The following BBS9 variants were observed in gnomAD, a reference collection of about 807,000 sequenced individuals.
The protein encoded by BBS9 is Bardet-Biedl syndrome 9.
Under a neutral mutation model 117.7 loss-of-function variants are expected in BBS9, and 89 were observed. The observed-to-expected ratio is 0.76, with a 90% CI of 0.64 to 0.90. The LOEUF (loss-of-function observed/expected upper bound fraction) is 0.90. BBS9 is among the 40% of genes least tolerant of loss of function. The pLI is 0.00. For synonymous variants in BBS9, 379 were observed against 370.9 expected (o/e 1.02, Z -0.25); for missense variants, 982 against 1,042.2 (o/e 0.94, Z 0.80).
intron 16 of BBS9, among the ~76,000 whole-genome samples, chr7:33,363,009 T>C (rs527891670): frequency 5.3e-4 from 81 of 152,196 alleles, no homozygotes; most frequent in Non-Finnish European, 6.5e-4. Flanking sequence ...GTTTTACAGA[T>C]CTTTTGTCAG....
At chr7:33,154,237 T>TA (rs2128111132) in intron 3 of BBS9, among the ~76,000 whole-genome samples, 1 of 152,328 alleles carries the variant, frequency 6.6e-6, no homozygotes, top group South Asian at 2.1e-4. Flanking sequence ...GATGAGTATA[T>TA]ATTAATTGTA....
At chr7:33,144,205 A>G (rs763997309) in intron 1 of BBS9, among the ~76,000 whole-genome samples, 9 of 152,218 alleles carry the variant, frequency 5.9e-5, no homozygotes, top group Non-Finnish European at 1.3e-4. Flanking sequence ...TAGAGGCTAT[A>G]CTTTCCCACC....
chr7:33,412,152 T>A (rs1297667781), intron 19 of BBS9, among the ~76,000 whole-genome samples: 1 of 152,206 alleles, frequency 6.6e-6, no homozygotes, highest in Non-Finnish European at 1.5e-5. Context: ...TAGAACCCAT[T>A]TTGTTAGAAA....
intron 19 of BBS9, among the ~76,000 whole-genome samples, chr7:33,400,009 G>C (rs1828652001): frequency 6.6e-6 from 1 of 152,028 alleles, no homozygotes; most frequent in Non-Finnish European, 1.5e-5. Context: ...TTGAATGCAT[G>C]CTTCTTTATC....
At chr7:33,133,535 T>C (rs1276142141) in intron 1 of BBS9, among the ~76,000 whole-genome samples, 1 of 152,226 alleles carries the variant, frequency 6.6e-6, no homozygotes, top group African/African-American at 2.4e-5. Flanking sequence ...TGTTACTGGC[T>C]TCTTTAACTT....
intron 19 of BBS9, among the ~76,000 whole-genome samples, chr7:33,480,192 AC>A (rs1842342014): frequency 6.6e-6 from 1 of 152,206 alleles, no homozygotes; most frequent in Admixed American, 6.5e-5. Flanking sequence ...AATGATTAAA[AC>A]ATTCTTCTAC....
At chr7:33,152,872 T>C (rs1340418216) in intron 3 of BBS9, 21 bp downstream of exon 3, 1 of 1,613,190 alleles carries the variant, frequency 6.2e-7, no homozygotes, top group East Asian at 2.2e-5. Flanking sequence ...CCACTAATTC[T>C]GGTATTTTAC....
chr7:33,515,120 A>G (rs1173369107), intron 20 of BBS9, among the ~76,000 whole-genome samples: 2 of 151,324 alleles, frequency 1.3e-5, no homozygotes, highest in Non-Finnish European at 2.9e-5. Flanking sequence ...ACGAATCAGG[A>G]AAAAAAAACC....
At chr7:33,366,895 C>G (rs115822800) in intron 16 of BBS9, among the ~76,000 whole-genome samples, 1,768 of 152,176 alleles carry the variant, frequency 0.012, 37 homozygotes, top group African/African-American at 0.04. Flanking sequence ...GTTGGATCTA[C>G]AGCTAGCAGA....
chr7:33,254,942 C>A (rs775840260), intron 5 of BBS9, among the ~76,000 whole-genome samples: 1 of 152,034 alleles, frequency 6.6e-6, no homozygotes, highest in Non-Finnish European at 1.5e-5. Flanking sequence ...TACCTGTTGG[C>A]GATTTGTATG....
chr7:33,179,940 GCTTAA>G (rs1797864852), intron 5 of BBS9, among the ~76,000 whole-genome samples: 1 of 152,124 alleles, frequency 6.6e-6, no homozygotes, highest in South Asian at 2.1e-4. Context: ...TCATTTTAAA[GCTTAA>G]CTTCCTTGTA....
intron 9 of BBS9, among the ~76,000 whole-genome samples, chr7:33,318,427 C>CAG (rs1214330540): frequency 2.0e-5 from 3 of 152,254 alleles, no homozygotes; most frequent in Non-Finnish European, 4.4e-5. Context: ...GCTTAAATGT[C>CAG]ACTTTTTCAG....
At chr7:33,611,638 A>G (rs1159832436) in intron 21 of BBS9, among the ~76,000 whole-genome samples, 3 of 112,930 alleles carry the variant, frequency 2.7e-5, no homozygotes, top group African/African-American at 9.7e-5. Context: ...TAATATTATT[A>G]TATAAGGTAT....
intron 19 of BBS9, among the ~76,000 whole-genome samples, chr7:33,400,681 T>C (rs1223707021): frequency 6.6e-6 from 1 of 152,194 alleles, no homozygotes; most frequent in African/African-American, 2.4e-5. Flanking sequence ...AGCATATCTA[T>C]GAACAGCTGA....
At chr7:33,382,768 A>G (rs1437020179) in intron 17 of BBS9, among the ~76,000 whole-genome samples, 4 of 152,198 alleles carry the variant, frequency 2.6e-5, no homozygotes, top group Admixed American at 6.5e-5. Context: ...GCTCCCATGG[A>G]TATCAGAGAA....
chr7:33,181,822 G>A (rs1340767052), intron 5 of BBS9, among the ~76,000 whole-genome samples: 2 of 152,164 alleles, frequency 1.3e-5, no homozygotes, highest in Non-Finnish European at 2.9e-5. Flanking sequence ...GGTGGCTCAC[G>A]CCTGTAATCC....
chr7:33,617,669 A>G (rs988169715), intron 21 of BBS9, among the ~76,000 whole-genome samples: 3 of 152,184 alleles, frequency 2.0e-5, no homozygotes, highest in African/African-American at 7.2e-5. Context: ...ACAATGCATG[A>G]AGAAAATAAA....
At chr7:33,575,191 T>G (rs1390048503) in intron 21 of BBS9, among the ~76,000 whole-genome samples, 1 of 152,164 alleles carries the variant, frequency 6.6e-6, no homozygotes, top group African/African-American at 2.4e-5. Context: ...GAATTGATGC[T>G]GCATGCTCTT....
intron 20 of BBS9, among the ~76,000 whole-genome samples, chr7:33,524,225 C>G (rs1443666342): frequency 6.6e-6 from 1 of 150,998 alleles, no homozygotes; most frequent in Non-Finnish European, 1.5e-5. Flanking sequence ...TTGGTTGTGT[C>G]TCTGCCCAGC....
Sources: allele counts gnomAD v4.1 joint callset (sites outside exome capture counted in the v4.1 genomes callset), GRCh38; gene constraint gnomAD v4.1.1; transcripts MANE v1.5; gene names NCBI Gene and HGNC (gene_info 2026-07-23, HGNC 2026-07-21).